ZFYVE26: variants seen among roughly 807,000 people sequenced by gnomAD.
ZFYVE26 encodes the protein zinc finger FYVE domain-containing protein 26.
Under a neutral mutation model 276.5 loss-of-function variants are expected in ZFYVE26, and 181 were observed. That is an observed-to-expected ratio of 0.65 (90% CI 0.58 to 0.74). ZFYVE26 has a LOEUF of 0.74. ZFYVE26 is among the 30% of genes least tolerant of loss of function. The pLI is 0.00. For missense variants in ZFYVE26, 2,821 were observed against 3,097.9 expected (o/e 0.91, Z 2.12); for synonymous variants, 1,129 against 1,203.1 (o/e 0.94, Z 1.27).
chr14:67,771,831 T>C (rs867842170), intron 28 of ZFYVE26, among the ~76,000 whole-genome samples: 1 of 152,192 alleles, frequency 6.6e-6, no homozygotes, highest in South Asian at 2.1e-4. Context: ...GGCAAAGATT[T>C]TAGAATTTAT....
chr14:67,778,134 C>T lies in ZFYVE26; in HGVS notation c.4789G>A (p.Ala1597Thr). ...HLLERRDHDK[A>T]LQLLRRIPDP... ...AAGAACTGGGGGCTTACTTGCAGAG[C>T]CTTGTCATGATCTCTTCTTTCTAGA... Residue 1597 changes from alanine to threonine, a missense_variant, in exon 24 of 42, where the codon GCT (alanine) becomes ACT (threonine). Ala to Thr is a moderately conservative substitution (Grantham distance 58). Transcript: ENST00000347230. The T allele has an allele frequency of 3.1e-6, 5 of 1,614,148 alleles. No individual in the cohort carries two copies. Among genetic ancestry groups the T allele is most frequent in the South Asian group, 1.1e-5 (1 of 91,074 alleles).
chr14:67,751,399 TCATGAACTTAGTGCAAGCACTA>T, intron 40 of ZFYVE26: 1 of 480,710 alleles, frequency 2.1e-6, no homozygotes, highest in Non-Finnish European at 3.8e-6. Flanking sequence ...ACCAAATGGA[TCATGAACTTAGTGCAAGCACTA>T]AGTTCTCACA....
In ZFYVE26 at chr14:67,809,201, T is replaced by C. The variant is rs1387550874; in HGVS notation, c.362A>G (p.Glu121Gly). ...LQGDIPENIL[E>G]ELYETLTQGA... Reference sequence around the variant, plus strand: ...GATGGTACCAGGGCTCTCTCTCACCTCGAGGATGTTCTCTGGAATGTCACC... The same window carrying C: ...GATGGTACCAGGGCTCTCTCTCACCCCGAGGATGTTCTCTGGAATGTCACC... The change falls in exon 4 of 42, where the codon GAG becomes GGG. Residue 121 changes from glutamate (E) to glycine (G), a missense_variant and splice_region_variant. Transcript: ENST00000347230. The C allele has an allele frequency of 6.2e-7, 1 of 1,613,682 alleles. No homozygotes were observed. The highest frequency in any genetic ancestry group is 8.5e-7 in the Non-Finnish European group (1 of 1,179,806).
chr14:67,784,295 C>T lies in ZFYVE26; in HGVS notation c.3626+39G>A, dbSNP rs11626860. On this transcript the variant is annotated intron_variant, in intron 20 of 41. Transcript: ENST00000347230. ...CCTTGGCTATATTGATGAAATCATC[C>T]GAAGGCCCATGGCTGACTTGCATGG... 28,482 of 1,557,836 alleles carry T rather than the reference C, an allele frequency of 0.018. 345 individuals carry two copies. Among genetic ancestry groups the T allele is most frequent in the South Asian group, 0.027 (2,432 of 89,886 alleles).
rs1263086666 is a variant in ZFYVE26, at chr14:67,753,984, C to T, written c.7128+87G>A. ...GGGGAGGCAGCCATCAAACAAACAA[C>T]TGAAATAATCACTAGACAACTGCAA... On this transcript the variant is annotated intron_variant, in intron 38 of 41. Coordinates refer to ENST00000347230, the MANE Select transcript of ZFYVE26 (RefSeq NM_015346.4). 32 of 1,604,780 alleles carry T rather than the reference C, an allele frequency of 2.0e-5. No individual in the cohort carries two copies. The Admixed American group carries it at 5.3e-4, about 27-fold the overall frequency.
downstream of ZFYVE26, among the ~76,000 whole-genome samples, chr14:67,744,066 G>T (rs148761741): frequency 6.9e-3 from 1,058 of 152,314 alleles, 10 homozygotes; most frequent in African/African-American, 0.023. Context: ...TCAAGGATAG[G>T]TCAGTCAACA....
At chr14:67,785,760 T>C (rs2039634231) in intron 18 of ZFYVE26, 98 bp downstream of exon 18, 4 of 1,530,102 alleles carry the variant, frequency 2.6e-6, no homozygotes, top group East Asian at 2.2e-5. Context: ...ATCCCAGTTC[T>C]GGAGTCCCAA....
At chr14:67,806,872 T>C (rs2040191606) in intron 5 of ZFYVE26, among the ~76,000 whole-genome samples, 197 bp from the exon 6 acceptor site, 1 of 152,226 alleles carries the variant, frequency 6.6e-6, no homozygotes, top group Admixed American at 6.5e-5. Context: ...CTGCTATTGC[T>C]ATTACTTTAT....
chr14:67,751,275 T>C, intron 40 of ZFYVE26, 179 bp from the exon 41 acceptor site: 2 of 695,082 alleles, frequency 2.9e-6, no homozygotes, highest in Non-Finnish European at 2.6e-6. Context: ...TAGTGGCTTT[T>C]CACAGGCATG....
intron 27 of ZFYVE26, among the ~76,000 whole-genome samples, chr14:67,773,255 T>A (rs2039258405): frequency 6.6e-6 from 1 of 151,946 alleles, no homozygotes; most frequent in South Asian, 2.1e-4. Flanking sequence ...AAATTTTCCA[T>A]AATAAAAACT....
chr14:67,743,098 A>G (rs1594874101), downstream of ZFYVE26, among the ~76,000 whole-genome samples: 1 of 151,902 alleles, frequency 6.6e-6, no homozygotes, highest in African/African-American at 2.4e-5. Flanking sequence ...TCAGCCTTCC[A>G]AAGTGTTGGG....
chr14:67,783,718 G>A (rs1273243136), intron 20 of ZFYVE26, among the ~76,000 whole-genome samples, 193 bp from the exon 21 acceptor site: 1 of 152,124 alleles, frequency 6.6e-6, no homozygotes, highest in East Asian at 1.9e-4. Flanking sequence ...ACACTTCTGC[G>A]AGATCTATCC....
In ZFYVE26 at chr14:67,761,282, G is replaced by T. The variant is rs575640818; in HGVS notation, c.6588+84C>A. The T allele has an allele frequency of 2.7e-4, 344 of 1,271,718 alleles. 1 individual carries two copies. The highest frequency in any genetic ancestry group is 3.6e-4 in the Non-Finnish European group (325 of 893,580). The allele number at this position is 1,271,718 out of a possible 1,614,324, so 78.8% of individuals were successfully genotyped here. Reference sequence around the variant, plus strand: ...CTCAACACAGGGTTAAGTGTCAGGGGGTTATTGTCCCGCTTAAGGCTGAGT... The same window carrying T: ...CTCAACACAGGGTTAAGTGTCAGGGTGTTATTGTCCCGCTTAAGGCTGAGT... On this transcript the variant is annotated intron_variant, in intron 35 of 41. Transcript: ENST00000347230.
At chr14:67,806,749 C>G (rs1348505317) in intron 5 of ZFYVE26, 74 bp from the exon 6 acceptor site, 24 of 1,575,824 alleles carry the variant, frequency 1.5e-5, no homozygotes, top group Non-Finnish European at 1.0e-5. Flanking sequence ...TTTGAACAAC[C>G]AAGTGATGTG....
At chr14:67,806,189 T>C (rs773005709) in intron 6 of ZFYVE26, among the ~76,000 whole-genome samples, 1 of 152,220 alleles carries the variant, frequency 6.6e-6, no homozygotes, top group Non-Finnish European at 1.5e-5. Flanking sequence ...TGAATTAAAC[T>C]GAAGCCCAGT....
intron 12 of ZFYVE26, 93 bp downstream of exon 12, chr14:67,797,579 G>A: frequency 1.5e-6 from 2 of 1,366,848 alleles, no homozygotes; most frequent in Non-Finnish European, 2.1e-6. Context: ...CAACGCTTTT[G>A]TTGTTTTTGA....
chr14:67,789,365 G>A lies in ZFYVE26; in HGVS notation c.2989C>T (p.Arg997Trp), dbSNP rs1442795331. The A allele has an allele frequency of 5.0e-6, 8 of 1,614,060 alleles. No individual in the cohort carries two copies. Among genetic ancestry groups the A allele is most frequent in the East Asian group, 2.2e-5 (1 of 44,894 alleles). The change falls in exon 16 of 42, where the codon CGG becomes TGG. Residue 997 changes from arginine (R) to tryptophan (W), a missense_variant. Transcript: ENST00000347230. Reference protein sequence around the residue: ...TCKQLLETAERRLNSSLERRG... With the variant: ...TCKQLLETAEWRLNSSLERRG... Reference sequence around the variant, plus strand: ...CTTTCAAGGCTACTATTCAAACGCCGTTCGGCTGTCTCCAAAAGCTGCTTG... The same window carrying A: ...CTTTCAAGGCTACTATTCAAACGCCATTCGGCTGTCTCCAAAAGCTGCTTG...
chr14:67,801,962 A>C, intron 10 of ZFYVE26, 117 bp downstream of exon 10: 1 of 1,172,788 alleles, frequency 8.5e-7, no homozygotes, highest in Non-Finnish European at 1.3e-6. Context: ...CCCTGGGTGA[A>C]ATAAAACCAA....
intron 12 of ZFYVE26, among the ~76,000 whole-genome samples, chr14:67,795,421 T>C (rs2039931481): frequency 6.6e-6 from 1 of 152,236 alleles, no homozygotes. Context: ...TGAAATCTGT[T>C]GCCCTGACAT....
Sources: allele counts gnomAD v4.1 joint callset (sites outside exome capture counted in the v4.1 genomes callset), GRCh38; gene constraint gnomAD v4.1.1; transcripts MANE v1.5; gene names NCBI Gene and HGNC (gene_info 2026-07-23, HGNC 2026-07-21).